Variants in GRIK2 observed in about 807,000 individuals in gnomAD.
The protein encoded by GRIK2 is glutamate ionotropic receptor kainate type subunit 2, also known as glutamate receptor ionotropic, kainate 2.
A neutral mutation model predicts 100.3 loss-of-function variants in GRIK2; 32 were observed. The observed-to-expected ratio is 0.32, with a 90% CI of 0.24 to 0.43. GRIK2 has a LOEUF of 0.43. GRIK2 is among the 20% of genes least tolerant of loss of function. The pLI is 1.00. For synonymous variants in GRIK2, 417 were observed against 389.4 expected, an observed-to-expected ratio of 1.07 and a Z score of -0.83; for missense variants, 843 against 1,114.9, an observed-to-expected ratio of 0.76 and a Z score of 3.47.
At chr6:101,762,791 CAT>C (rs1353616313) in intron 7 of GRIK2, among the ~76,000 whole-genome samples, 12 of 152,310 alleles carry the variant, frequency 7.9e-5, no homozygotes, top group African/African-American at 2.9e-4. Context: ...AAAAAGTACA[CAT>C]GTCAGGCAGG....
At chr6:101,715,586 GAATAT>G (rs1774009896) in intron 7 of GRIK2, among the ~76,000 whole-genome samples, 1 of 151,716 alleles carries the variant, frequency 6.6e-6, no homozygotes, top group Non-Finnish European at 1.5e-5. Flanking sequence ...ACTATACCAA[GAATAT>G]AATATAGTCC....
At chr6:102,033,491 T>A (rs745712661) in intron 14 of GRIK2, among the ~76,000 whole-genome samples, 2 of 151,332 alleles carry the variant, frequency 1.3e-5, no homozygotes, top group Admixed American at 6.6e-5. Flanking sequence ...TTTTAAAACA[T>A]CCCTTCAATA....
At chr6:101,774,518 T>C (rs1228962259) in intron 7 of GRIK2, among the ~76,000 whole-genome samples, 1 of 152,174 alleles carries the variant, frequency 6.6e-6, no homozygotes, top group East Asian at 1.9e-4. Context: ...ATCTCATCAA[T>C]ACAATGTGGT....
At position 101,889,727 on chromosome 6, in the gene GRIK2, A is replaced by G; in HGVS notation, c.1612A>G (p.Ile538Val). 1 of 1,613,300 alleles carries G rather than the reference A, an allele frequency of 6.2e-7. No homozygotes were observed. Among genetic ancestry groups the G allele is most frequent in the Non-Finnish European group, 8.5e-7 (1 of 1,179,544 alleles). Residue 538 changes from isoleucine to valine, a missense_variant, in exon 12 of 17, where the codon ATA (isoleucine) becomes GTA (valine). By Grantham distance (29) the Ile-to-Val change is conservative. Coordinates refer to ENST00000369134, the MANE Select transcript of GRIK2 (RefSeq NM_021956.5). ...DFSKPFMTLG[I>V]SILYRKPNGT... ...TTCCAAGCCCTTTATGACACTTGGA[A>G]TAAGTATTTTGTACCGCAAGCCCAA...
At chr6:102,031,076 TACACACACACACACACACACACAC>T (rs55900001) in intron 14 of GRIK2, among the ~76,000 whole-genome samples, 9 of 118,320 alleles carry the variant, frequency 7.6e-5, no homozygotes, top group Admixed American at 2.8e-4. Context: ...TATTATGCAT[TACACACACACACACACACACACAC>T]ACACACACAC....
chr6:101,807,420 C>A (rs192852810), intron 9 of GRIK2, among the ~76,000 whole-genome samples: 111 of 151,886 alleles, frequency 7.3e-4, no homozygotes, highest in African/African-American at 2.6e-3. Flanking sequence ...TTTGTCCTTA[C>A]AAGTTACAGT....
intron 2 of GRIK2, among the ~76,000 whole-genome samples, chr6:101,427,306 C>T (rs1163788608): frequency 2.0e-5 from 3 of 152,228 alleles, no homozygotes; most frequent in Non-Finnish European, 2.9e-5. Context: ...TTATAAAGTG[C>T]CATCCCCATT....
chr6:101,972,490 T>C (rs1793110966), intron 14 of GRIK2, among the ~76,000 whole-genome samples: 1 of 151,988 alleles, frequency 6.6e-6, no homozygotes, highest in African/African-American at 2.4e-5. Context: ...CCTTATGGAT[T>C]CTGGATTTTA....
chr6:101,985,379 C>T (rs1793965699), intron 14 of GRIK2, among the ~76,000 whole-genome samples: 1 of 151,746 alleles, frequency 6.6e-6, no homozygotes, highest in Admixed American at 6.6e-5. Context: ...GATAAAGTTT[C>T]ACCTCCTTTT....
chr6:101,998,629 AT>A (rs1397352396), intron 14 of GRIK2, among the ~76,000 whole-genome samples: 2 of 151,930 alleles, frequency 1.3e-5, no homozygotes, highest in African/African-American at 4.8e-5. Flanking sequence ...TCTAAGATTC[AT>A]TTTGAGTTAA....
chr6:101,682,030 C>CAAAAACATTTCA (rs911348670), intron 5 of GRIK2, among the ~76,000 whole-genome samples: 4 of 152,094 alleles, frequency 2.6e-5, no homozygotes, highest in African/African-American at 9.7e-5. Flanking sequence ...TTAATAACAA[C>CAAAAACATTTCA]AAAAACATTT....
chr6:101,728,092 C>A (rs1278702277), intron 7 of GRIK2, among the ~76,000 whole-genome samples: 3 of 151,734 alleles, frequency 2.0e-5, no homozygotes, highest in Non-Finnish European at 2.9e-5. Flanking sequence ...TTGAGATAAT[C>A]AAAAATATCT....
intron 2 of GRIK2, among the ~76,000 whole-genome samples, chr6:101,513,635 T>C (rs1468936195): frequency 2.0e-5 from 3 of 152,142 alleles, no homozygotes; most frequent in Non-Finnish European, 4.4e-5. Flanking sequence ...TAAATAATGA[T>C]ATATAGGGTT....
intron 2 of GRIK2, among the ~76,000 whole-genome samples, chr6:101,598,058 T>C (rs1489900108): frequency 6.6e-6 from 1 of 151,786 alleles, no homozygotes; most frequent in Non-Finnish European, 1.5e-5. Flanking sequence ...TACTGACTGA[T>C]TGTATGGCTA....
chr6:101,896,090 C>T (rs1462946497), intron 12 of GRIK2, among the ~76,000 whole-genome samples: 2 of 151,562 alleles, frequency 1.3e-5, no homozygotes, highest in Admixed American at 6.6e-5. Flanking sequence ...TTACAATGTA[C>T]CTCTTTATTT....
At chr6:101,962,410 T>C (rs989645536) in intron 14 of GRIK2, among the ~76,000 whole-genome samples, 1 of 152,228 alleles carries the variant, frequency 6.6e-6, no homozygotes, top group African/African-American at 2.4e-5. Context: ...CTGTGTGCTT[T>C]GAATTATTTC....
chr6:101,812,832 A>G (rs2128419414), intron 9 of GRIK2, among the ~76,000 whole-genome samples: 1 of 152,182 alleles, frequency 6.6e-6, no homozygotes, highest in East Asian at 1.9e-4. Context: ...TAAGGTAGTG[A>G]AAAGGGAAAG....
chr6:101,888,432 G>A (rs536967694), intron 11 of GRIK2, among the ~76,000 whole-genome samples: 3 of 152,226 alleles, frequency 2.0e-5, no homozygotes, highest in East Asian at 3.9e-4. Context: ...AAGAATATTA[G>A]CAATTATTGT....
At chr6:101,994,229 G>T (rs1458352645) in intron 14 of GRIK2, among the ~76,000 whole-genome samples, 2 of 150,452 alleles carry the variant, frequency 1.3e-5, no homozygotes, top group Admixed American at 6.7e-5. Context: ...ATGATACGAA[G>T]TTCAACATCT....
Sources: allele counts gnomAD v4.1 joint callset (sites outside exome capture counted in the v4.1 genomes callset), GRCh38; gene constraint gnomAD v4.1.1; transcripts MANE v1.5; gene names NCBI Gene and HGNC (gene_info 2026-07-23, HGNC 2026-07-21).